Variants in TLE4 observed in about 807,000 individuals in gnomAD.
TLE4 encodes the protein transducin-like enhancer protein 4.
A neutral mutation model predicts 92.8 loss-of-function variants in TLE4; 8 were observed. That is an observed-to-expected ratio of 0.09 (90% CI 0.05 to 0.16). The LOEUF (loss-of-function observed/expected upper bound fraction) is 0.16. Among genes scored for constraint, TLE4 ranks in the 10% least tolerant of loss-of-function variants. The pLI is 1.00. For synonymous variants in TLE4, 371 were observed against 374.1 expected, an observed-to-expected ratio of 0.99 and a Z score of 0.10; for missense variants, 675 against 997.6, an observed-to-expected ratio of 0.68 and a Z score of 4.36.
At chr9:79,599,283 T>TCAA (rs2044941633) in intron 4 of TLE4, among the ~76,000 whole-genome samples, 1 of 152,196 alleles carries the variant, frequency 6.6e-6, no homozygotes, top group African/African-American at 2.4e-5. Context: ...TATTTTCCAC[T>TCAA]CTATTTTTTA....
intron 8 of TLE4, among the ~76,000 whole-genome samples, chr9:79,689,828 A>G (rs1051766845): frequency 6.6e-6 from 1 of 152,210 alleles, no homozygotes; most frequent in Admixed American, 6.5e-5. Flanking sequence ...TTATCTGAAT[A>G]TGCCTTAGGT....
chr9:79,690,473 A>G (rs1418845322), intron 8 of TLE4, among the ~76,000 whole-genome samples: 1 of 152,188 alleles, frequency 6.6e-6, no homozygotes, highest in African/African-American at 2.4e-5. Flanking sequence ...ATTCTGGTTG[A>G]TTAGATCAGT....
In TLE4 at chr9:79,713,491, ACT is replaced by A. The variant is rs1295158305; in HGVS notation, c.1340+3795_1340+3796del. 3.3e-5 allele frequency among the ~76,000 whole-genome samples: 5 copies of A among 151,992 alleles called. No homozygotes were observed. The East Asian group carries it at 7.7e-4, about 24-fold the overall frequency. On this transcript the variant is annotated intron_variant, in intron 14 of 19. Transcript: ENST00000376552. ...GTTCGTGTTGAGAGGAGGTCAGGTC[ACT>A]CTATTTCTCTGACTCCCTGCACCCT...
intron 4 of TLE4, among the ~76,000 whole-genome samples, chr9:79,576,953 A>G (rs1482097643): frequency 6.6e-6 from 1 of 151,762 alleles, no homozygotes; most frequent in Non-Finnish European, 1.5e-5. Context: ...ATATATATAT[A>G]TACACACACA....
chr9:79,592,152 C>CTTCT (rs1554694381), intron 4 of TLE4, among the ~76,000 whole-genome samples: 7 of 144,494 alleles, frequency 4.8e-5, no homozygotes, highest in African/African-American at 1.6e-4. Context: ...TTTCTTCTTT[C>CTTCT]TTCTTCTTCT....
intron 1 of TLE4, 52 bp from the exon 2 acceptor site, chr9:79,573,637 C>A: frequency 6.9e-7 from 1 of 1,449,332 alleles, no homozygotes; most frequent in South Asian, 1.3e-5. Flanking sequence ...TCTCCGTCTC[C>A]CTGCTTCGCC....
intron 8 of TLE4, among the ~76,000 whole-genome samples, chr9:79,702,096 G>A (rs2070091773): frequency 6.6e-6 from 1 of 152,132 alleles, no homozygotes; most frequent in African/African-American, 2.4e-5. Context: ...CCATAAGCCA[G>A]GAAAAAAGGC....
In TLE4 at chr9:79,657,958, A is replaced by G. The variant is rs375529567; in HGVS notation, c.609+3883A>G. On this transcript the variant is annotated intron_variant, in intron 8 of 19. Transcript: ENST00000376552. ...TATCCTGAGTGCAATAGCCTTCTCAAGTCACATCTATGAGGGATTTGCCTT... is the reference window on the plus strand; with the variant it reads ...TATCCTGAGTGCAATAGCCTTCTCAGGTCACATCTATGAGGGATTTGCCTT... 7.2e-4 allele frequency among the ~76,000 whole-genome samples: 110 copies of G among 152,304 alleles called. No homozygotes were observed. The Middle Eastern group carries it at 0.02, about 28-fold the overall frequency.
intron 4 of TLE4, among the ~76,000 whole-genome samples, chr9:79,599,499 T>C (rs1459790774): frequency 1.3e-5 from 2 of 152,144 alleles, no homozygotes; most frequent in Admixed American, 6.5e-5. Flanking sequence ...ACTGACAAGC[T>C]CAGTGTTTCC....
rs540902825 is a variant in TLE4 at position 79,585,580 on chromosome 9, C to T, written c.252+9403C>T. Among the ~76,000 whole-genome samples, 6 of 152,246 alleles carry T rather than the reference C, an allele frequency of 3.9e-5. No homozygotes were observed. The South Asian group carries it at 1.0e-3, about 26-fold the overall frequency. ...ATCTTTAACTTAGGGCGTAAGTGAACGCCCAGATCTCTTTTAGCTCTTTTG... is the reference window on the plus strand; with the variant it reads ...ATCTTTAACTTAGGGCGTAAGTGAATGCCCAGATCTCTTTTAGCTCTTTTG... On this transcript the variant is annotated intron_variant, in intron 4 of 19. Transcript: ENST00000376552.
At chr9:79,631,652 G>T (rs1157401001) in intron 6 of TLE4, among the ~76,000 whole-genome samples, 1 of 148,880 alleles carries the variant, frequency 6.7e-6, no homozygotes, top group African/African-American at 2.6e-5. Context: ...GTGTGTGTGT[G>T]TGTGTGTGTG....
At position 79,629,151 on chromosome 9, in the gene TLE4, C is replaced by G. The variant is rs562104442; in HGVS notation, c.390+1703C>G. Among the ~76,000 whole-genome samples the G allele has an allele frequency of 2.6e-5, 4 of 152,160 alleles. No homozygotes were observed. The East Asian group carries it at 7.7e-4, about 29-fold the overall frequency. On this transcript the variant is annotated intron_variant, in intron 6 of 19. Coordinates refer to ENST00000376552, the MANE Select transcript of TLE4 (RefSeq NM_007005.6). ...ATGAATGGCTGAAATACAGATAGCC[C>G]TCCTGCCTTATGTGTGATTGGCAGC... is the stretch of plus-strand genomic sequence containing the variant.
intron 8 of TLE4, among the ~76,000 whole-genome samples, chr9:79,699,554 T>A (rs889689897): frequency 6.6e-6 from 1 of 152,216 alleles, no homozygotes; most frequent in Non-Finnish European, 1.5e-5. Flanking sequence ...ATTATCCCAT[T>A]TATCTGTTTG....
chr9:79,656,593 G>A (rs2059812359), intron 8 of TLE4, among the ~76,000 whole-genome samples: 1 of 152,090 alleles, frequency 6.6e-6, no homozygotes, highest in Non-Finnish European at 1.5e-5. Context: ...CAGAAAATTC[G>A]GAATCTGCTG....
intron 6 of TLE4, 80 bp downstream of exon 6, chr9:79,627,528 G>T: frequency 1.4e-6 from 2 of 1,407,754 alleles, no homozygotes; most frequent in Non-Finnish European, 2.0e-6. Context: ...ATTTTGTTCC[G>T]CCAAAGGGGC....
At chr9:79,675,213 C>T (rs1162267335) in intron 8 of TLE4, among the ~76,000 whole-genome samples, 1 of 152,190 alleles carries the variant, frequency 6.6e-6, no homozygotes, top group Non-Finnish European at 1.5e-5. Flanking sequence ...TGGAGATTTA[C>T]AGCATGGATT....
rs368139239 is a variant in TLE4 at position 79,579,199 on chromosome 9, G to GT, written c.252+3029dup. 3.7e-3 allele frequency among the ~76,000 whole-genome samples: 556 copies of GT among 152,280 alleles called. 5 individuals carry two copies. The highest frequency in any genetic ancestry group is 0.012 in the African/African-American group (511 of 41,558). Reference sequence around the variant, plus strand: ...AGCTGACCCAGGGTTTAGTTGTTAAGTTTTTTTGCTGATTGTTCTTCTTTG... The same window carrying GT: ...AGCTGACCCAGGGTTTAGTTGTTAAGTTTTTTTTGCTGATTGTTCTTCTTTG... On this transcript the variant is annotated intron_variant, in intron 4 of 19. Transcript: ENST00000376552.
At chr9:79,611,935 G>GT (rs1371233509) in intron 4 of TLE4, among the ~76,000 whole-genome samples, 3 of 87,784 alleles carry the variant, frequency 3.4e-5, no homozygotes, top group Admixed American at 1.4e-4. Flanking sequence ...CATATCCACA[G>GT]TAAAAAAAAA....
chr9:79,625,505 T>C (rs1376822630), intron 5 of TLE4, among the ~76,000 whole-genome samples: 1 of 152,174 alleles, frequency 6.6e-6, no homozygotes, highest in East Asian at 1.9e-4. Context: ...CACTAACTGA[T>C]ATCATTGTTG....
Sources: allele counts gnomAD v4.1 joint callset (sites outside exome capture counted in the v4.1 genomes callset), GRCh38; gene constraint gnomAD v4.1.1; transcripts MANE v1.5; gene names NCBI Gene and HGNC (gene_info 2026-07-23, HGNC 2026-07-21).